Variants in MNT observed in about 807,000 individuals in gnomAD.
MNT encodes the protein MAX network transcriptional repressor, also known as max-binding protein MNT.
A neutral mutation model predicts 40.7 loss-of-function variants in MNT; 13 were observed. The observed-to-expected ratio is 0.32, with a 90% confidence interval of 0.21 to 0.51. The LOEUF is 0.51. Ranked by LOEUF, MNT falls within the 20% of genes least tolerant of loss-of-function variation. The pLI, the probability that MNT is intolerant of heterozygous loss-of-function variation, is 0.98. For missense variants in MNT, 757 were observed against 792.0 expected, an observed-to-expected ratio of 0.96 and a Z score of 0.53; for synonymous variants, 426 against 354.8, an observed-to-expected ratio of 1.20 and a Z score of -2.26.
Position 2,387,630 on chromosome 17 carries a change from G to A in MNT, c.1020C>T (p.Asp340=), listed in dbSNP as rs773159011. Residue 340 remains aspartate, a synonymous_variant, in exon 6 of 6, where the codon GAC becomes GAT. Coordinates refer to ENST00000174618, the MANE Select transcript of MNT (RefSeq NM_020310.3). ...CCGCCCGGTCCTCCTCCATATCCTC[G>A]TCTATGTTGTCCTCACCCTCTGTGG... ...STASEGEDNI[D]EDMEEDRAGL... is the part of the protein sequence containing the mutation. 43 of 1,613,926 alleles carry A rather than the reference G, an allele frequency of 2.7e-5. No individual in the cohort carries two copies. Among genetic ancestry groups the A allele is most frequent in the East Asian group, 6.7e-5 (3 of 44,882 alleles).
Position 2,388,044 on chromosome 17 carries a change from C to T in MNT, c.813G>A (p.Leu271=), listed in dbSNP as rs1481101059. 1.9e-6 allele frequency: 3 copies of T among 1,555,844 alleles called. No individual in the cohort carries two copies. Among genetic ancestry groups the T allele is most frequent in the Non-Finnish European group, 2.6e-6 (3 of 1,148,468 alleles). ...LRTALRYIQS[L]KRKEKEYEHE... is the part of the protein sequence containing the mutation. ...GCTCATATTCCTTCTCCTTCCTCTTCAGGGACTGGCACACAGAGTAAGGGA... is the reference window on the plus strand; with the variant it reads ...GCTCATATTCCTTCTCCTTCCTCTTTAGGGACTGGCACACAGAGTAAGGGA... The change falls in exon 5 of 6, where the codon CTG becomes CTA. Residue 271 remains leucine, a synonymous_variant. Transcript: ENST00000174618.
In MNT at chr17:2,400,729, G is replaced by A. The variant is rs909964460; in HGVS notation, c.-17C>T. 3 of 1,536,436 alleles carry A rather than the reference G, an allele frequency of 2.0e-6. No homozygotes were observed. The highest frequency in any genetic ancestry group is 1.7e-4 in the Middle Eastern group (1 of 5,844). On this transcript the variant is annotated 5_prime_UTR_variant, in exon 1 of 6. Coordinates refer to ENST00000174618, the MANE Select transcript of MNT (RefSeq NM_020310.3). ...TATGCTCATCGCGCCGAGAGCTGCC[G>A]GGGGCGCGCCGGGGCCGAGGCTGCG...
In MNT at chr17:2,384,696, C is replaced by T; in HGVS notation, c.*2205G>A. The T allele has an allele frequency of 6.6e-6, 1 of 152,390 alleles. No homozygotes were observed. The allele number at this position is 152,390 out of a possible 1,614,324, so 9.4% of individuals were successfully genotyped here. Reference sequence around the variant, plus strand: ...AGGGTGAGGACAGATGTGGTCCCGACAGCACTCTGGGGGAGACGCCCAAGG... The same window carrying T: ...AGGGTGAGGACAGATGTGGTCCCGATAGCACTCTGGGGGAGACGCCCAAGG... On this transcript the variant is annotated 3_prime_UTR_variant, in exon 6 of 6. Coordinates refer to ENST00000174618, the MANE Select transcript of MNT (RefSeq NM_020310.3).
At chr17:2,397,374 A>C (rs2066585284) in intron 1 of MNT, among the ~76,000 whole-genome samples, 1 of 152,000 alleles carries the variant, frequency 6.6e-6, no homozygotes, top group South Asian at 2.1e-4. Context: ...TCTGGATCCC[A>C]GGGCCTAACA....
chr17:2,396,542 G>T (rs2066580092), intron 1 of MNT: 1 of 152,276 alleles, frequency 6.6e-6, no homozygotes, highest in Admixed American at 6.5e-5. Flanking sequence ...TTCAATGGGG[G>T]CTGAGCAGGG....
intron 4 of MNT, chr17:2,391,381 A>G (rs959780573): frequency 1.3e-5 from 2 of 152,354 alleles, no homozygotes; most frequent in African/African-American, 4.8e-5. Flanking sequence ...GGCTGGAAGC[A>G]GCAGTCCTGA....
intron 1 of MNT, among the ~76,000 whole-genome samples, chr17:2,398,068 C>A (rs911869418): frequency 9.9e-5 from 15 of 152,248 alleles, no homozygotes; most frequent in Non-Finnish European, 1.8e-4. Context: ...GAGGAGTCCA[C>A]ACTGGTGGGC....
At position 2,387,108 on chromosome 17, in the gene MNT, G is replaced by A. The variant is rs1315789284; in HGVS notation, c.1542C>T (p.Pro514=). The A allele has an allele frequency of 1.1e-5, 17 of 1,583,310 alleles. No individual in the cohort carries two copies. The highest frequency in any genetic ancestry group is 2.3e-5 in the East Asian group (1 of 43,664). The change falls in exon 6 of 6, where the codon CCC becomes CCT. Residue 514 remains proline, a synonymous_variant. Coordinates refer to ENST00000174618, the MANE Select transcript of MNT (RefSeq NM_020310.3). Reference sequence around the variant, plus strand: ...TGTGGGCGATGTGGCTCACTGCCACGGGCTGCGGGTACAAGGGCAGCTGGG... The same window carrying A: ...TGTGGGCGATGTGGCTCACTGCCACAGGCTGCGGGTACAAGGGCAGCTGGG... ...LGSQLPLYPQ[P]VAVSHIAHTL...
In MNT at chr17:2,395,031, A is replaced by C; in HGVS notation, c.497T>G (p.Leu166Trp). 2.5e-6 allele frequency: 4 copies of C among 1,592,852 alleles called. No homozygotes were observed. Among genetic ancestry groups the C allele is most frequent in the Non-Finnish European group, 3.4e-6 (4 of 1,170,114 alleles). The part of the protein sequence containing the change: ...TIPPNGSPKP[L>W]QPLPTPVLTI... ...CAGGACAGGCGTGGGGAGGGGCTGC[A>C]AAGGCTTGGGGCTGCCATTGGGTGG... The change falls in exon 2 of 6, where the codon TTG becomes TGG. Residue 166 changes from leucine (L) to tryptophan (W), a missense_variant. By Grantham distance (61) the Leu-to-Trp change is moderately conservative (BLOSUM62 -2). This residue lies in a region of MNT where 335 missense variants were observed against 291.4 expected (regional missense o/e 1.15). Coordinates refer to ENST00000174618, the MANE Select transcript of MNT (RefSeq NM_020310.3).
At chr17:2,390,606 A>G (rs1345351784) in intron 4 of MNT, 1 of 152,164 alleles carries the variant, frequency 6.6e-6, no homozygotes, top group Non-Finnish European at 1.5e-5. Context: ...CCATGGAAAA[A>G]TGGTCTTCCA....
In MNT at chr17:2,387,298, A is replaced by G. The variant is rs1445914246; in HGVS notation, c.1352T>C (p.Val451Ala). 1.9e-6 allele frequency: 3 copies of G among 1,613,270 alleles called. No homozygotes were observed. The African/African-American group carries it at 4.0e-5, about 22-fold the overall frequency. Residue 451 changes from valine to alanine, a missense_variant, in exon 6 of 6, where the codon GTC (valine) becomes GCC (alanine). By Grantham distance (64) the Val-to-Ala change is moderately conservative. Around this residue, in one of 4 missense-constraint regions of MNT, gnomAD observed 345 missense variants for 380.1 expected, o/e 0.91. Transcript: ENST00000174618. ...CAGAACGTGGTTCACAGTCTGGATGACTGAAGCGTGAGTGGTGGCTGTGTG... is the reference window on the plus strand; with the variant it reads ...CAGAACGTGGTTCACAGTCTGGATGGCTGAAGCGTGAGTGGTGGCTGTGTG... ...IAHTATTHAS[V>A]IQTVNHVLQG...
chr17:2,388,127 A>G (rs2066483549), intron 4 of MNT, 78 bp from the exon 5 acceptor site: 15 of 1,372,854 alleles, frequency 1.1e-5, no homozygotes, highest in Middle Eastern at 1.8e-4. Context: ...ACCTCTCCCT[A>G]TCAGCTGGCC....
At chr17:2,392,439 C>G (rs1236720689) in intron 4 of MNT, among the ~76,000 whole-genome samples, 2 of 152,204 alleles carry the variant, frequency 1.3e-5, no homozygotes, top group East Asian at 1.9e-4. Context: ...CCACACGTTA[C>G]GCAAGGCGCC....
rs55991010 is a variant in MNT at position 2,384,239 on chromosome 17, G to GT, written c.*2661dup. The GT allele has an allele frequency of 0.1, 14,646 of 145,504 alleles. 831 individuals are homozygous for GT. Among genetic ancestry groups the GT allele is most frequent in the African/African-American group, 0.16 (6,436 of 39,936 alleles). 9.0% of individuals were successfully genotyped at this position (145,504 alleles called of 1,614,324 possible). A position where few individuals can be genotyped will look rare whatever the true frequency, so the allele number is the denominator to read the frequency against. On this transcript the variant is annotated 3_prime_UTR_variant, in exon 6 of 6. Transcript: ENST00000174618. ...TATGTACAAAATTAGGGTTTTTGTA[G>GT]TTTTTTTTTTTTTCCACACAGCAGA...
chr17:2,395,901 G>C (rs8068880), intron 1 of MNT, among the ~76,000 whole-genome samples: 2 of 152,098 alleles, frequency 1.3e-5, no homozygotes, highest in Non-Finnish European at 2.9e-5. Flanking sequence ...ACACCAGAGG[G>C]GGGGGTGTGC....
intron 4 of MNT, chr17:2,390,183 C>G (rs1027081780): frequency 6.6e-6 from 1 of 152,312 alleles, no homozygotes; most frequent in Non-Finnish European, 1.5e-5. Flanking sequence ...AAGAGCTACG[C>G]GCAGGGTGCT....
At chr17:2,400,604 T>G in intron 1 of MNT, 36 bp downstream of exon 1, 1 of 1,560,796 alleles carries the variant, frequency 6.4e-7, no homozygotes, top group Non-Finnish European at 8.6e-7. Flanking sequence ...CGCTTCCCCT[T>G]CCCCAGTGCC....
chr17:2,399,616 C>A (rs1282669108), intron 1 of MNT, among the ~76,000 whole-genome samples: 1 of 152,050 alleles, frequency 6.6e-6, no homozygotes, highest in African/African-American at 2.4e-5. Flanking sequence ...CGGGCCCAGG[C>A]CCAACCCAGC....
At chr17:2,398,114 A>G (rs2066589441) in intron 1 of MNT, among the ~76,000 whole-genome samples, 1 of 152,242 alleles carries the variant, frequency 6.6e-6, no homozygotes, top group Non-Finnish European at 1.5e-5. Flanking sequence ...TCTGCACGCT[A>G]AACAGGAGGC....
Sources: allele counts gnomAD v4.1 joint callset (sites outside exome capture counted in the v4.1 genomes callset), GRCh38; gene constraint gnomAD v4.1.1; regional missense constraint gnomAD v4.1.1; transcripts MANE v1.5; gene names NCBI Gene and HGNC (gene_info 2026-07-23, HGNC 2026-07-21).